PPM1E: variants seen among roughly 807,000 people sequenced by gnomAD.
PPM1E encodes the protein protein phosphatase 1E.
In PPM1E, 20 loss-of-function variants were observed where a neutral mutation model predicts 65.9. The observed-to-expected ratio is 0.30, with a 90% CI of 0.21 to 0.44. PPM1E has a LOEUF of 0.44. Among genes scored for constraint, PPM1E ranks in the 20% least tolerant of loss-of-function variants. The pLI is 1.00. For missense variants in PPM1E, 713 were observed against 953.1 expected, an observed-to-expected ratio of 0.75 and a Z score of 3.32; for synonymous variants, 352 against 374.9, an observed-to-expected ratio of 0.94 and a Z score of 0.70.
At chr17:58,894,631 A>C (rs1031410544) in intron 1 of PPM1E, among the ~76,000 whole-genome samples, 2 of 152,204 alleles carry the variant, frequency 1.3e-5, no homozygotes, top group Non-Finnish European at 2.9e-5. Flanking sequence ...GGCTCCCTTC[A>C]GGAGCTTCAT....
At chr17:58,850,028 A>G (rs1476975011) in intron 1 of PPM1E, among the ~76,000 whole-genome samples, 2 of 152,022 alleles carry the variant, frequency 1.3e-5, no homozygotes, top group Admixed American at 6.6e-5. Flanking sequence ...CTTTACCATT[A>G]TGTAATGGCC....
intron 6 of PPM1E, 89 bp from the exon 7 acceptor site, chr17:58,979,885 T>C (rs2031262065): frequency 9.8e-7 from 1 of 1,019,556 alleles, no homozygotes; most frequent in Non-Finnish European, 1.4e-6. Flanking sequence ...CAGTAAGCTG[T>C]GATCAGAGTC....
At position 58,983,287 on chromosome 17, in the gene PPM1E, T is replaced by C. The variant is rs1045866441; in HGVS notation, c.*2256T>C. On this transcript the variant is annotated 3_prime_UTR_variant, in exon 7 of 7. Transcript: ENST00000308249. ...TTGTGAAAAATAGCAACTATTCATT[T>C]GTTCACAACATGCGTATTTATAGAG... 1.1e-5 allele frequency: 2 copies of C among 182,236 alleles called. No homozygotes were observed. The highest frequency in any genetic ancestry group is 4.7e-5 in the African/African-American group (2 of 42,424). The allele number at this position is 182,236 out of a possible 1,614,324, so 11.3% of individuals were successfully genotyped here. A position where few individuals can be genotyped will look rare whatever the true frequency, so the allele number is the denominator to read the frequency against.
At chr17:58,815,019 A>G (rs1377837588) in intron 1 of PPM1E, among the ~76,000 whole-genome samples, 2 of 152,216 alleles carry the variant, frequency 1.3e-5, no homozygotes, top group East Asian at 1.9e-4. Context: ...AAAAGTCTAT[A>G]TACTTTTCTT....
chr17:58,980,990 A>G lies in PPM1E; in HGVS notation c.2227A>G (p.Ile743Val), dbSNP rs751796342. 1 of 1,613,600 alleles carries G rather than the reference A, an allele frequency of 6.2e-7. No individual in the cohort carries two copies. The highest frequency in any genetic ancestry group is 1.1e-5 in the South Asian group (1 of 90,938). Residue 743 changes from isoleucine (I) to valine (V), a missense_variant, in exon 7 of 7, where the codon ATT (isoleucine) becomes GTT (valine). Coordinates refer to ENST00000308249, the MANE Select transcript of PPM1E (RefSeq NM_014906.5). This position sits in a 1 kb window ranked among gnomAD's most constrained non-coding sequence, Gnocchi z 4.7. ...GAGGAAGCTCAGAAAGACTCATGATATTCCATGCCCAGATCTTCCTTGGAG... is the reference window on the plus strand; with the variant it reads ...GAGGAAGCTCAGAAAGACTCATGATGTTCCATGCCCAGATCTTCCTTGGAG... Reference protein sequence around the residue: ...NMRKLRKTHDIPCPDLPWSYK... With the variant: ...NMRKLRKTHDVPCPDLPWSYK...
chr17:58,935,958 C>T (rs1384127013), intron 1 of PPM1E, among the ~76,000 whole-genome samples: 2 of 151,632 alleles, frequency 1.3e-5, no homozygotes, highest in Non-Finnish European at 2.9e-5. Flanking sequence ...TCTCCTAATG[C>T]TATCTCTCCC....
intron 1 of PPM1E, among the ~76,000 whole-genome samples, chr17:58,851,846 G>A (rs2050829193): frequency 6.6e-6 from 1 of 152,218 alleles, no homozygotes; most frequent in Non-Finnish European, 1.5e-5. Context: ...AGTTTCTGCT[G>A]CCTTTTGTTC....
chr17:58,972,815 A>G lies in PPM1E; in HGVS notation c.1117-17A>G. On this transcript the variant is annotated splice_polypyrimidine_tract_variant and intron_variant, in intron 5 of 6. Transcript: ENST00000308249. ...TGAATCCAGTTATTTGCTTCTTTTT[A>G]TTGCATTGCTGTTTAGGATGAAAAG... 6.2e-7 allele frequency: 1 copy of G among 1,601,118 alleles called. No homozygotes were observed.
At chr17:58,925,086 T>C (rs945442956) in intron 1 of PPM1E, among the ~76,000 whole-genome samples, 2 of 152,184 alleles carry the variant, frequency 1.3e-5, no homozygotes, top group African/African-American at 4.8e-5. Flanking sequence ...CCTTTGGGTA[T>C]ATACCCAATA....
chr17:58,900,686 A>G (rs1422466982), intron 1 of PPM1E, among the ~76,000 whole-genome samples: 4 of 152,176 alleles, frequency 2.6e-5, no homozygotes. Flanking sequence ...GCTTTGAGGT[A>G]TGCCTGTACT....
intron 1 of PPM1E, among the ~76,000 whole-genome samples, chr17:58,843,577 C>A (rs1251208487): frequency 1.3e-5 from 2 of 152,014 alleles, no homozygotes; most frequent in African/African-American, 4.8e-5. Flanking sequence ...GTAATCCTAG[C>A]ACTTTGGGAG....
chr17:58,886,068 CAAGT>C (rs2051262625), intron 1 of PPM1E, among the ~76,000 whole-genome samples: 2 of 152,176 alleles, frequency 1.3e-5, no homozygotes, highest in African/African-American at 4.8e-5. Context: ...TCCACTATAA[CAAGT>C]CAGATACCAC....
chr17:58,965,830 G>A lies in PPM1E; in HGVS notation c.720G>A (p.Met240Ile). The A allele has an allele frequency of 6.2e-7, 1 of 1,614,136 alleles. No homozygotes were observed. Among genetic ancestry groups the A allele is most frequent in the Non-Finnish European group, 8.5e-7 (1 of 1,180,026 alleles). The change falls in exon 3 of 7, where the codon ATG (methionine) becomes ATA (isoleucine). Residue 240 changes from methionine (M) to isoleucine (I), a missense_variant. This residue lies in a region of PPM1E where 25 missense variants were observed against 73.9 expected (regional missense o/e 0.34). Transcript: ENST00000308249. ...YETSIHAIKN[M>I]RRKMEDKHVC... is the part of the protein sequence containing the mutation. ...CATCAATCCATGCCATCAAAAACAT[G>A]CGCAGGAAAATGGAGGACAAACATG...
intron 1 of PPM1E, among the ~76,000 whole-genome samples, chr17:58,851,521 T>C (rs1182923473): frequency 6.6e-6 from 1 of 152,200 alleles, no homozygotes; most frequent in African/African-American, 2.4e-5. Context: ...CAGCTGCAGG[T>C]CTGTTGGAGT....
chr17:58,965,768 T>G lies in PPM1E; in HGVS notation c.658T>G (p.Phe220Val), dbSNP rs751194838. Residue 220 changes from phenylalanine (F) to valine (V), a missense_variant, in exon 3 of 7, where the codon TTC becomes GTC. By Grantham distance (50) the Phe-to-Val change is conservative (BLOSUM62 -1). Around this residue, in one of 6 missense-constraint regions of PPM1E, gnomAD observed 84 missense variants for 113.9 expected, o/e 0.74. Coordinates refer to ENST00000308249, the MANE Select transcript of PPM1E (RefSeq NM_014906.5). ...HEICCSWVKD[F>V]PLRRRPQLYY... ...GATTTGCTGCAGCTGGGTGAAAGAC[T>G]TCCCCCTCCGCAGGAGACCCCAGCT... is the stretch of plus-strand genomic sequence containing the variant. 5.0e-6 allele frequency: 8 copies of G among 1,614,016 alleles called. No individual in the cohort carries two copies. Among genetic ancestry groups the G allele is most frequent in the Non-Finnish European group, 5.1e-6 (6 of 1,180,022 alleles).
At chr17:58,909,332 A>G (rs986796438) in intron 1 of PPM1E, among the ~76,000 whole-genome samples, 29 of 151,980 alleles carry the variant, frequency 1.9e-4, no homozygotes, top group African/African-American at 6.8e-4. Flanking sequence ...ATCATAGTTC[A>G]CCATAACCTG....
intron 1 of PPM1E, among the ~76,000 whole-genome samples, chr17:58,837,012 T>C (rs1489650713): frequency 3.5e-4 from 30 of 86,384 alleles, no homozygotes; most frequent in African/African-American, 6.1e-4. Context: ...AGAGCGAAAC[T>C]CCGTCTCAAA....
At chr17:58,873,427 A>G (rs1343769141) in intron 1 of PPM1E, among the ~76,000 whole-genome samples, 1 of 152,058 alleles carries the variant, frequency 6.6e-6, no homozygotes, top group Non-Finnish European at 1.5e-5. Context: ...TACAAAATTT[A>G]TTTTCTAAGC....
chr17:58,833,599 A>G (rs1217929718), intron 1 of PPM1E, among the ~76,000 whole-genome samples: 1 of 151,920 alleles, frequency 6.6e-6, no homozygotes, highest in Admixed American at 6.6e-5. Context: ...TGTGGTGTAT[A>G]TGCACCACAT....
Sources: allele counts gnomAD v4.1 joint callset (sites outside exome capture counted in the v4.1 genomes callset), GRCh38; gene constraint gnomAD v4.1.1; regional missense constraint gnomAD v4.1.1; non-coding constraint Gnocchi (gnomAD v3.1); transcripts MANE v1.5; gene names NCBI Gene and HGNC (gene_info 2026-07-23, HGNC 2026-07-21).